SEMA3C: variants seen among roughly 807,000 people sequenced by gnomAD.
SEMA3C encodes the protein semaphorin 3C.
In SEMA3C, 47 loss-of-function variants were observed where a neutral mutation model predicts 89.4. The observed-to-expected ratio is 0.53, with a 90% CI of 0.42 to 0.67. The LOEUF is 0.67. SEMA3C is among the 30% of genes least tolerant of loss of function. The pLI is 0.00. For synonymous variants in SEMA3C, 310 were observed against 320.2 expected, an observed-to-expected ratio of 0.97 and a Z score of 0.34; for missense variants, 839 against 929.1, an observed-to-expected ratio of 0.90 and a Z score of 1.26.
intron 15 of SEMA3C, 89 bp from the exon 16 acceptor site, chr7:80,751,425 C>T: frequency 2.6e-6 from 3 of 1,152,388 alleles, no homozygotes; most frequent in Non-Finnish European, 3.9e-6. Flanking sequence ...AACTTTGCAC[C>T]CTTTTTATTG....
At chr7:80,812,342 C>G (rs534452686) in intron 5 of SEMA3C, among the ~76,000 whole-genome samples, 1 of 152,096 alleles carries the variant, frequency 6.6e-6, no homozygotes, top group Non-Finnish European at 1.5e-5. Context: ...CAGAAGACCA[C>G]GTAGTTAAAG....
At chr7:80,922,338 C>T, upstream of SEMA3C, 1 of 1,256,332 alleles carries the variant, frequency 8.0e-7, no homozygotes. Context: ...CATATGCCAT[C>T]CTTTTAAGTT....
chr7:80,751,947 CTG>C (rs1309192431), intron 15 of SEMA3C, among the ~76,000 whole-genome samples: 1 of 152,128 alleles, frequency 6.6e-6, no homozygotes, highest in Non-Finnish European at 1.5e-5. Context: ...AAAATGAATA[CTG>C]GTATACCTAG....
intron 5 of SEMA3C, among the ~76,000 whole-genome samples, chr7:80,811,609 C>CAATA (rs1409616198): frequency 1.3e-5 from 2 of 151,974 alleles, no homozygotes; most frequent in Non-Finnish European, 2.9e-5. Context: ...TCTTAATTAT[C>CAATA]AAGCTAAGAT....
intron 2 of SEMA3C, among the ~76,000 whole-genome samples, chr7:80,900,562 G>A (rs1198351205): frequency 6.6e-6 from 1 of 152,186 alleles, no homozygotes; most frequent in Non-Finnish European, 1.5e-5. Flanking sequence ...TGAGGCAACT[G>A]CCATGAGTTA....
chr7:80,885,570 T>A (rs1243956151), intron 2 of SEMA3C, among the ~76,000 whole-genome samples: 1 of 152,136 alleles, frequency 6.6e-6, no homozygotes, highest in Non-Finnish European at 1.5e-5. Flanking sequence ...TGAGCTGAGA[T>A]TGCGCCACTG....
intron 2 of SEMA3C, among the ~76,000 whole-genome samples, chr7:80,892,408 T>C (rs1791636586): frequency 6.6e-6 from 1 of 152,186 alleles, no homozygotes; most frequent in Admixed American, 6.5e-5. Context: ...GATATTTTCG[T>C]CCTTTTGTAT....
chr7:80,868,590 C>A (rs185771676), intron 2 of SEMA3C, among the ~76,000 whole-genome samples: 2 of 152,176 alleles, frequency 1.3e-5, no homozygotes, highest in Non-Finnish European at 2.9e-5. Flanking sequence ...TTCCAAAATA[C>A]AATGCTGATT....
intron 15 of SEMA3C, among the ~76,000 whole-genome samples, chr7:80,754,246 T>C (rs914543479): frequency 2.0e-5 from 3 of 151,752 alleles, no homozygotes; most frequent in African/African-American, 4.8e-5. Flanking sequence ...ATGTTTACTA[T>C]AGTTTTTTTT....
intron 4 of SEMA3C, among the ~76,000 whole-genome samples, chr7:80,824,149 A>C (rs1789817635): frequency 6.6e-6 from 1 of 152,088 alleles, no homozygotes; most frequent in Non-Finnish European, 1.5e-5. Context: ...GGGATGCTTA[A>C]CTCTGTTTTA....
At chr7:80,894,586 G>A (rs1381139786) in intron 2 of SEMA3C, among the ~76,000 whole-genome samples, 6 of 152,200 alleles carry the variant, frequency 3.9e-5, no homozygotes, top group South Asian at 2.1e-4. Flanking sequence ...GAAGGCAGAC[G>A]ACTGACTATG....
intron 5 of SEMA3C, 66 bp from the exon 6 acceptor site, chr7:80,810,767 A>G (rs907974594): frequency 8.4e-7 from 1 of 1,196,904 alleles, no homozygotes; most frequent in Middle Eastern, 1.9e-4. Context: ...ATTGTTCATT[A>G]GTAAAACAAA....
At chr7:80,761,186 C>T (rs988656086) in intron 14 of SEMA3C, among the ~76,000 whole-genome samples, 1 of 152,064 alleles carries the variant, frequency 6.6e-6, no homozygotes, top group African/African-American at 2.4e-5. Context: ...AAAGAATACA[C>T]TGTGCATTTC....
At chr7:80,752,810 G>A (rs1787967608) in intron 15 of SEMA3C, among the ~76,000 whole-genome samples, 1 of 152,036 alleles carries the variant, frequency 6.6e-6, no homozygotes, top group Non-Finnish European at 1.5e-5. Context: ...AAAGTCAGAA[G>A]GTGACTCTTT....
At chr7:80,761,486 C>T (rs10230880) in intron 14 of SEMA3C, 130 bp downstream of exon 14, 18,958 of 482,366 alleles carry the variant, frequency 0.039, 841 homozygotes, top group African/African-American at 0.15. Context: ...GGTGACTTTG[C>T]GGTATACTTT....
rs539543411 is a variant in SEMA3C, at chr7:80,808,781, A to G, written c.538+1830T>C. The stretch of plus-strand genomic sequence containing the variant: ...CCAACATTTGTTACTTGGTCAACAC[A>G]TGACAACTCAGAGACAGAGTTTCAC... On this transcript the variant is annotated intron_variant, in intron 6 of 17. Transcript: ENST00000265361. Among the ~76,000 whole-genome samples the G allele has an allele frequency of 5.3e-5, 8 of 152,236 alleles. No individual in the cohort carries two copies. The East Asian group carries it at 1.4e-3, about 26-fold the overall frequency.
At chr7:80,910,226 A>C in intron 2 of SEMA3C, among the ~76,000 whole-genome samples, 1 of 152,322 alleles carries the variant, frequency 6.6e-6, no homozygotes, top group East Asian at 1.9e-4. Flanking sequence ...GGCATTCTAT[A>C]ATAAATTAAA....
At chr7:80,885,985 T>C (rs73374865) in intron 2 of SEMA3C, among the ~76,000 whole-genome samples, 3,178 of 152,310 alleles carry the variant, frequency 0.021, 101 homozygotes, top group African/African-American at 0.069. Context: ...TGATGACATA[T>C]TGATTTTTTA....
At chr7:80,754,962 T>TTTTGTTTTTTTTG (rs1477715890) in intron 15 of SEMA3C, among the ~76,000 whole-genome samples, 2 of 130,688 alleles carry the variant, frequency 1.5e-5, no homozygotes, top group African/African-American at 5.5e-5. Context: ...TTTTTGTTTT[T>TTTTGTTTTTTTTG]TTTTTTTTTG....
Sources: allele counts gnomAD v4.1 joint callset (sites outside exome capture counted in the v4.1 genomes callset), GRCh38; gene constraint gnomAD v4.1.1; transcripts MANE v1.5; gene names NCBI Gene and HGNC (gene_info 2026-07-23, HGNC 2026-07-21).